The following BRCA1 variants were observed in gnomAD, a reference collection of about 807,000 sequenced individuals.
BRCA1 encodes breast cancer type 1 susceptibility protein.
Under a neutral mutation model 173.7 loss-of-function variants are expected in BRCA1, and 140 were observed. That is an observed-to-expected ratio of 0.81 (90% CI 0.70 to 0.93). BRCA1 has a LOEUF of 0.93. Ranked by LOEUF, BRCA1 falls within the 40% of genes least tolerant of loss-of-function variation. The pLI, the probability that BRCA1 is intolerant of heterozygous loss-of-function variation, is 0.00. For missense variants in BRCA1, 1,983 were observed against 2,172.5 expected (o/e 0.91, Z 1.73); for synonymous variants, 662 against 756.0 (o/e 0.88, Z 2.04).
intron 19 of BRCA1, 147 bp from the exon 20 acceptor site, chr17:43,051,264 C>A: frequency 1.3e-6 from 1 of 744,554 alleles, no homozygotes; most frequent in Non-Finnish European, 2.3e-6. Context: ...ATGATTTCTG[C>A]TGCTACTTCC....
rs543267121 is a variant in BRCA1 at position 43,119,764 on chromosome 17, T to A, written c.81-3985A>T. On this transcript the variant is annotated intron_variant, in intron 2 of 22. Coordinates refer to ENST00000357654, the MANE Select transcript of BRCA1 (RefSeq NM_007294.4). Reference sequence around the variant, plus strand: ...AATTCTCCGTAAAAGAAAAATTGGATTCAGTTATCATACCAGATGGCTTTC... The same window carrying A: ...AATTCTCCGTAAAAGAAAAATTGGAATCAGTTATCATACCAGATGGCTTTC... 3.1e-4 allele frequency among the ~76,000 whole-genome samples: 47 copies of A among 152,280 alleles called. No individual in the cohort carries two copies. The highest frequency in any genetic ancestry group is 4.9e-4 in the Non-Finnish European group (33 of 68,018).
intron 18 of BRCA1, among the ~76,000 whole-genome samples, chr17:43,061,071 A>G (rs1328183303): frequency 6.6e-6 from 1 of 152,144 alleles, no homozygotes; most frequent in Non-Finnish European, 1.5e-5. Context: ...GTTTGCAGTG[A>G]GCCAAGATTG....
intron 1 of BRCA1, among the ~76,000 whole-genome samples, chr17:43,169,569 T>C (rs1390595561): frequency 6.6e-6 from 1 of 152,086 alleles, no homozygotes; most frequent in Admixed American, 6.5e-5. Flanking sequence ...ACCTGATCCT[T>C]AGTGCTTCCC....
chr17:43,100,244 A>C (rs968565797), intron 6 of BRCA1, among the ~76,000 whole-genome samples: 11 of 152,118 alleles, frequency 7.2e-5, no homozygotes, highest in Non-Finnish European at 1.5e-4. Context: ...AAATTTTTCA[A>C]ACCTGATTAT....
At position 43,045,555 on chromosome 17, in the gene BRCA1, A is replaced by C; in HGVS notation, c.*123T>G. 7.0e-7 allele frequency: 1 copy of C among 1,430,460 alleles called. No individual in the cohort carries two copies. Among genetic ancestry groups the C allele is most frequent in the Non-Finnish European group, 9.7e-7 (1 of 1,033,038 alleles). The allele number at this position is 1,430,460 out of a possible 1,614,324, so 88.6% of individuals were successfully genotyped here. On this transcript the variant is annotated 3_prime_UTR_variant, in exon 23 of 23. Transcript: ENST00000357654. The stretch of plus-strand genomic sequence containing the variant: ...AGTCCTTTTCAGGCTGATGTACATA[A>C]AATATTTAGTAGCCAGGACAGTAGA...
rs1346444318 is a variant in BRCA1, at chr17:43,044,671, A to G, written c.*1007T>C. The G allele has an allele frequency of 3.9e-6, 2 of 507,144 alleles. No homozygotes were observed. The highest frequency in any genetic ancestry group is 4.5e-5 in the Admixed American group (2 of 44,028). The allele number at this position is 507,144 out of a possible 1,614,324, so 31.4% of individuals were successfully genotyped here. A position where few individuals can be genotyped will look rare whatever the true frequency, so the allele number is the denominator to read the frequency against. ...AGCTACAACAATAAACATTTTACTT[A>G]TTACTAATGAGGAATTAGAAGACTG... On this transcript the variant is annotated 3_prime_UTR_variant, in exon 23 of 23. Transcript: ENST00000357654.
At chr17:43,057,912 C>T (rs375310294) in intron 18 of BRCA1, among the ~76,000 whole-genome samples, 1 of 144,406 alleles carries the variant, frequency 6.9e-6, no homozygotes, top group African/African-American at 2.6e-5. Context: ...CCCAGCTACT[C>T]GGGAAGCTGA....
chr17:43,048,399 C>T (rs1219300381), intron 21 of BRCA1, among the ~76,000 whole-genome samples: 2 of 151,954 alleles, frequency 1.3e-5, no homozygotes, highest in African/African-American at 4.8e-5. Context: ...GACGGGGTTT[C>T]GCCATGTTGG....
chr17:43,071,245 G>A lies in BRCA1; in HGVS notation c.4676-7C>T, dbSNP rs80358005. The A allele has an allele frequency of 5.1e-5, 83 of 1,613,304 alleles. No homozygotes were observed. Among genetic ancestry groups the A allele is most frequent in the Non-Finnish European group, 7.0e-5 (83 of 1,179,476 alleles). On this transcript the variant is annotated splice_polypyrimidine_tract_variant and splice_region_variant and intron_variant, in intron 14 of 22. Coordinates refer to ENST00000357654, the MANE Select transcript of BRCA1 (RefSeq NM_007294.4). ...TCCAGGTAAGGGGTTCCCTCTGAAA[G>A]GAATGGGAGAAGTTTAATTTACACA...
chr17:43,044,721 T>C lies in BRCA1; in HGVS notation c.*957A>G, dbSNP rs780228876. The C allele has an allele frequency of 5.9e-6, 3 of 504,654 alleles. No homozygotes were observed. Among genetic ancestry groups the C allele is most frequent in the South Asian group, 4.6e-5 (3 of 64,758 alleles). The allele number at this position is 504,654 out of a possible 1,614,324, so 31.3% of individuals were successfully genotyped here. On this transcript the variant is annotated 3_prime_UTR_variant, in exon 23 of 23. Coordinates refer to ENST00000357654, the MANE Select transcript of BRCA1 (RefSeq NM_007294.4). ...GTCTTTGGAAACCGGTTCTTGAAAATCTTCTGCTGTTTTAGAACACATTCT... is the reference window on the plus strand; with the variant it reads ...GTCTTTGGAAACCGGTTCTTGAAAACCTTCTGCTGTTTTAGAACACATTCT...
At chr17:43,074,972 G>A (rs1047112923) in intron 13 of BRCA1, among the ~76,000 whole-genome samples, 1 of 142,708 alleles carries the variant, frequency 7.0e-6, no homozygotes, top group Non-Finnish European at 1.5e-5. Flanking sequence ...AGAAAGAAAA[G>A]AAAAGGAAGG....
At chr17:43,127,539 C>G (rs1053571139), upstream of BRCA1, among the ~76,000 whole-genome samples, 2 of 151,982 alleles carry the variant, frequency 1.3e-5, no homozygotes, top group Admixed American at 6.6e-5. Context: ...CTGTGTCTAG[C>G]AAATGTAGTG....
At chr17:43,170,010 A>C in intron 1 of BRCA1, 1 of 462,952 alleles carries the variant, frequency 2.2e-6, no homozygotes, top group Admixed American at 2.3e-5. Context: ...ATCCTCCGTA[A>C]AGGTCACCTC....
chr17:43,061,744 G>A (rs1399132810), intron 18 of BRCA1, among the ~76,000 whole-genome samples: 1 of 151,896 alleles, frequency 6.6e-6, no homozygotes, highest in Admixed American at 6.6e-5. Context: ...CACCACGCTC[G>A]ACTAATTTTT....
In BRCA1 at chr17:43,093,263, C is replaced by G. The variant is rs80356884; in HGVS notation, c.2268G>C (p.Arg756Ser). The change falls in exon 10 of 23, where the codon AGG (arginine) becomes AGC (serine). Residue 756 changes from arginine (R) to serine (S), a missense_variant. By Grantham distance (110) the Arg-to-Ser change is moderately radical. Transcript: ENST00000357654. ...CTACAGATCTTTCAGTTTGCAAAAC[C>G]CTTTCTCCACTTAACATGAGATCTT... The part of the protein sequence containing the change: ...DPKDLMLSGE[R>S]VLQTERSVES... 34 of 1,613,912 alleles carry G rather than the reference C, an allele frequency of 2.1e-5. No homozygotes were observed. The highest frequency in any genetic ancestry group is 3.3e-5 in the South Asian group (3 of 91,078).
chr17:43,062,740 G>C (rs1227354942), intron 18 of BRCA1, among the ~76,000 whole-genome samples: 1 of 151,806 alleles, frequency 6.6e-6, no homozygotes, highest in Non-Finnish European at 1.5e-5. Flanking sequence ...TGGAACTAAA[G>C]GCGCATGCCA....
intron 1 of BRCA1, among the ~76,000 whole-genome samples, chr17:43,149,156 T>C (rs1355699473): frequency 6.6e-6 from 1 of 151,480 alleles, no homozygotes; most frequent in African/African-American, 2.4e-5. Flanking sequence ...TGGAGTGCAG[T>C]GGCACGATCT....
intron 16 of BRCA1, among the ~76,000 whole-genome samples, chr17:43,064,684 C>T (rs1027675258): frequency 2.0e-5 from 3 of 152,262 alleles, no homozygotes; most frequent in Admixed American, 6.5e-5. Context: ...AGAATCCTTA[C>T]AATTTTTGAA....
At chr17:43,138,757 A>G (rs2154581426) in intron 1 of BRCA1, 1 of 779,052 alleles carries the variant, frequency 1.3e-6, no homozygotes, top group East Asian at 2.4e-5. Context: ...AAGGAGGTAG[A>G]AGTCATCCTT....
Sources: gnomAD v4.1 joint callset for allele counts (sites outside exome capture counted in the v4.1 genomes callset) on GRCh38, gnomAD v4.1.1 for gene constraint, MANE v1.5 for transcripts, NCBI Gene and HGNC (gene_info 2026-07-23, HGNC 2026-07-21) for gene names.